Variants in ARHGAP24 observed in about 807,000 individuals in gnomAD.
ARHGAP24 encodes the protein Rho GTPase activating protein 24.
Under a neutral mutation model 76.4 loss-of-function variants are expected in ARHGAP24, and 50 were observed. The ratio of observed to expected loss-of-function variants is 0.65; its 90% CI spans 0.52 to 0.83. ARHGAP24 has a LOEUF of 0.83. Among genes scored for constraint, ARHGAP24 ranks in the 40% least tolerant of loss-of-function variants. ARHGAP24 has a pLI of 0.00. For synonymous variants in ARHGAP24, 345 were observed against 323.3 expected, an observed-to-expected ratio of 1.07 and a Z score of -0.72; for missense variants, 930 against 914.2, an observed-to-expected ratio of 1.02 and a Z score of -0.22.
intron 3 of ARHGAP24, among the ~76,000 whole-genome samples, chr4:85,787,688 T>A (rs752974301): frequency 2.0e-5 from 3 of 152,166 alleles, no homozygotes; most frequent in Non-Finnish European, 4.4e-5. Flanking sequence ...TTAATAATTT[T>A]CATGGTAATG....
intron 3 of ARHGAP24, among the ~76,000 whole-genome samples, chr4:85,900,894 G>T (rs1553940637): frequency 6.6e-6 from 1 of 152,172 alleles, no homozygotes; most frequent in Non-Finnish European, 1.5e-5. Context: ...TAGCAGAAAA[G>T]GATGGGTTCT....
intron 4 of ARHGAP24, among the ~76,000 whole-genome samples, chr4:85,934,173 A>T (rs568639253): frequency 3.3e-5 from 5 of 152,352 alleles, no homozygotes; most frequent in South Asian, 2.1e-4. Context: ...CTGTCAAGCA[A>T]CTTTCCACAG....
intron 3 of ARHGAP24, among the ~76,000 whole-genome samples, chr4:85,812,197 A>T (rs929265661): frequency 7.2e-5 from 11 of 151,974 alleles, no homozygotes; most frequent in African/African-American, 2.7e-4. Flanking sequence ...AATAAATAAA[A>T]ATAAAAAATA....
chr4:85,774,194 G>A (rs1727228261), intron 3 of ARHGAP24, among the ~76,000 whole-genome samples: 1 of 152,114 alleles, frequency 6.6e-6, no homozygotes, highest in Admixed American at 6.6e-5. Context: ...CCAACAATAT[G>A]TTTGAGTCCC....
intron 3 of ARHGAP24, among the ~76,000 whole-genome samples, chr4:85,745,042 A>C (rs1725973894): frequency 6.6e-6 from 1 of 152,090 alleles, no homozygotes; most frequent in Non-Finnish European, 1.5e-5. Flanking sequence ...TTTAAATATG[A>C]GTGTGAGGTT....
intron 5 of ARHGAP24, among the ~76,000 whole-genome samples, chr4:85,948,777 C>T (rs1382787351): frequency 6.6e-6 from 1 of 152,176 alleles, no homozygotes; most frequent in East Asian, 1.9e-4. Flanking sequence ...GTGGTATACT[C>T]ATACCCATCA....
At chr4:85,758,079 G>T (rs1389384127) in intron 3 of ARHGAP24, among the ~76,000 whole-genome samples, 1 of 152,070 alleles carries the variant, frequency 6.6e-6, no homozygotes, top group Non-Finnish European at 1.5e-5. Flanking sequence ...AAAGCCTAAT[G>T]GTTTTAAAAG....
intron 2 of ARHGAP24, among the ~76,000 whole-genome samples, chr4:85,639,704 A>T (rs1399462532): frequency 1.0e-3 from 1 of 972 alleles, no homozygotes; most frequent in East Asian, 0.12. Context: ...AATAATTGGT[A>T]AAAAAAAAAA....
chr4:85,745,174 C>G (rs1399887628), intron 3 of ARHGAP24, among the ~76,000 whole-genome samples: 1 of 151,916 alleles, frequency 6.6e-6, no homozygotes, highest in African/African-American at 2.4e-5. Flanking sequence ...AATGGTGACT[C>G]ATGCCTATAA....
chr4:85,933,416 A>C (rs547836930), intron 4 of ARHGAP24, among the ~76,000 whole-genome samples: 22 of 152,238 alleles, frequency 1.4e-4, no homozygotes, highest in Admixed American at 1.0e-3. Flanking sequence ...TAGAGCTTGC[A>C]TGTTGTGCAA....
intron 3 of ARHGAP24, among the ~76,000 whole-genome samples, chr4:85,903,436 C>T (rs1057115633): frequency 1.3e-5 from 2 of 151,990 alleles, no homozygotes; most frequent in African/African-American, 2.4e-5. Context: ...TATTATATGG[C>T]AGTTATATTT....
chr4:85,980,686 G>C, intron 8 of ARHGAP24, among the ~76,000 whole-genome samples: 1 of 152,080 alleles, frequency 6.6e-6, no homozygotes, highest in East Asian at 1.9e-4. Flanking sequence ...GTTCACTACT[G>C]GTCCTTGTAT....
At position 85,994,915 on chromosome 4, in the gene ARHGAP24, A is replaced by C. The variant is rs116821057; in HGVS notation, c.1261A>C (p.Lys421Gln). ...DVSRSPPLMV[K>Q]KNPAFNKGSG... is the part of the protein sequence containing the mutation. Reference sequence around the variant, plus strand: ...GTCTAGAAGCCCCCCTCTCATGGTCAAAAAGAACCCAGCCTTTAATAAGGG... The same window carrying C: ...GTCTAGAAGCCCCCCTCTCATGGTCCAAAAGAACCCAGCCTTTAATAAGGG... Residue 421 changes from lysine to glutamine, a missense_variant, in exon 9 of 10, where the codon AAA (lysine) becomes CAA (glutamine). By Grantham distance (53) the Lys-to-Gln change is moderately conservative (BLOSUM62 1). Transcript: ENST00000395184. The C allele has an allele frequency of 6.2e-7, 1 of 1,614,090 alleles. No homozygotes were observed. Among genetic ancestry groups the C allele is most frequent in the African/African-American group, 1.3e-5 (1 of 75,006 alleles).
At chr4:85,996,664 TG>T (rs1427176860) in intron 9 of ARHGAP24, among the ~76,000 whole-genome samples, 3 of 152,238 alleles carry the variant, frequency 2.0e-5, no homozygotes, top group African/African-American at 7.2e-5. Flanking sequence ...AGTATTTTTT[TG>T]GTAAGTTTCA....
chr4:85,663,914 A>AT (rs1195156117), intron 2 of ARHGAP24, among the ~76,000 whole-genome samples: 3 of 149,690 alleles, frequency 2.0e-5, no homozygotes, highest in Admixed American at 6.7e-5. Context: ...TGCTGGATTC[A>AT]GTTTGCCAGT....
intron 5 of ARHGAP24, among the ~76,000 whole-genome samples, chr4:85,945,282 A>G: frequency 6.6e-6 from 1 of 151,976 alleles, no homozygotes; most frequent in Non-Finnish European, 1.5e-5. Context: ...AGCTGGGATT[A>G]CGGGCATGTG....
chr4:85,995,364 C>T lies in ARHGAP24; in HGVS notation c.1710C>T (p.Ser570=). Residue 570 remains serine (S), a synonymous_variant, in exon 9 of 10, where the codon TCC becomes TCT. Transcript: ENST00000395184. ...TCTCCCTCCCTGAGAACTCCAACTCCTGTCGCTCTTCTACCACCACCTGCC... is the reference window on the plus strand; with the variant it reads ...TCTCCCTCCCTGAGAACTCCAACTCTTGTCGCTCTTCTACCACCACCTGCC... The part of the protein sequence containing the change: ...CEISLPENSN[S]CRSSTTTCPE... The T allele has an allele frequency of 6.2e-7, 1 of 1,614,118 alleles. No individual in the cohort carries two copies. The highest frequency in any genetic ancestry group is 8.5e-7 in the Non-Finnish European group (1 of 1,180,008).
intron 2 of ARHGAP24, among the ~76,000 whole-genome samples, chr4:85,649,525 GTATTATAAAGTAT>G (rs1411862796): frequency 6.6e-6 from 1 of 152,054 alleles, no homozygotes; most frequent in Non-Finnish European, 1.5e-5. Flanking sequence ...TGCATTTAAT[GTATTATAAAGTAT>G]TTGTTTGCCA....
At chr4:85,605,305 T>A (rs1192686342) in intron 2 of ARHGAP24, among the ~76,000 whole-genome samples, 2 of 152,170 alleles carry the variant, frequency 1.3e-5, no homozygotes, top group East Asian at 3.9e-4. Context: ...ATATATATAG[T>A]TAGAGTTTAA....
Sources: allele counts gnomAD v4.1 joint callset (sites outside exome capture counted in the v4.1 genomes callset), GRCh38; gene constraint gnomAD v4.1.1; transcripts MANE v1.5; gene names NCBI Gene and HGNC (gene_info 2026-07-23, HGNC 2026-07-21).